The following NELL2 variants were observed in gnomAD, a reference collection of about 807,000 sequenced individuals.
NELL2 encodes neural EGFL like 2, also known as protein kinase C-binding protein NELL2.
In NELL2, 41 loss-of-function variants were observed where a neutral mutation model predicts 109.6. That is an observed-to-expected ratio of 0.37 (90% CI 0.29 to 0.49). The LOEUF is 0.49. NELL2 is among the 20% of genes least tolerant of loss of function. NELL2 has a pLI of 0.98. For missense variants in NELL2, 900 were observed against 1,008.3 expected (o/e 0.89, Z 1.45); for synonymous variants, 355 against 344.7 (o/e 1.03, Z -0.33).
intron 9 of NELL2, among the ~76,000 whole-genome samples, chr12:44,721,638 G>C (rs2136454993): frequency 6.6e-6 from 1 of 151,796 alleles, no homozygotes; most frequent in Non-Finnish European, 1.5e-5. Context: ...AAAATGCCCA[G>C]CACCATTTAG....
intron 15 of NELL2, among the ~76,000 whole-genome samples, chr12:44,587,263 C>T (rs1944546526): frequency 3.9e-5 from 2 of 51,100 alleles, no homozygotes; most frequent in East Asian, 1.4e-3. Context: ...CAAAGCAAGA[C>T]TCCGTCTCAA....
chr12:44,587,738 A>G (rs190230056), intron 15 of NELL2, among the ~76,000 whole-genome samples: 2 of 152,292 alleles, frequency 1.3e-5, no homozygotes, highest in South Asian at 4.1e-4. Flanking sequence ...AATCTCAGGG[A>G]AAAAAGTCTC....
chr12:44,884,489 A>G (rs908105001), intron 1 of NELL2, among the ~76,000 whole-genome samples: 1 of 152,004 alleles, frequency 6.6e-6, no homozygotes, highest in Non-Finnish European at 1.5e-5. Context: ...AATTAATAGC[A>G]ATTTTACACA....
intron 2 of NELL2, among the ~76,000 whole-genome samples, chr12:44,835,655 T>G (rs1944032743): frequency 6.6e-6 from 1 of 152,234 alleles, no homozygotes; most frequent in Admixed American, 6.5e-5. Flanking sequence ...GTATTGTATA[T>G]AATGGTTAGG....
At chr12:44,556,322 G>C (rs983440834) in intron 15 of NELL2, among the ~76,000 whole-genome samples, 17 of 152,180 alleles carry the variant, frequency 1.1e-4, no homozygotes, top group Non-Finnish European at 2.1e-4. Context: ...GGGCTGATTT[G>C]AAATCTTAAG....
chr12:44,807,419 A>T, intron 3 of NELL2, among the ~76,000 whole-genome samples: 1 of 151,836 alleles, frequency 6.6e-6, no homozygotes, highest in Non-Finnish European at 1.5e-5. Flanking sequence ...CATTAACGAC[A>T]TCTCTATGAA....
intron 9 of NELL2, among the ~76,000 whole-genome samples, chr12:44,761,956 C>T (rs1290016738): frequency 6.6e-6 from 1 of 152,084 alleles, no homozygotes; most frequent in Non-Finnish European, 1.5e-5. Flanking sequence ...GATGGGCACA[C>T]TAAAAGCTGA....
chr12:44,622,384 G>A (rs1042848458), intron 13 of NELL2, among the ~76,000 whole-genome samples: 4 of 152,036 alleles, frequency 2.6e-5, no homozygotes, highest in Non-Finnish European at 5.9e-5. Flanking sequence ...AGAAAGAAAA[G>A]GCTTTCACTA....
intron 9 of NELL2, among the ~76,000 whole-genome samples, chr12:44,719,997 C>T (rs1938684189): frequency 6.6e-6 from 1 of 151,350 alleles, no homozygotes; most frequent in African/African-American, 2.4e-5. Flanking sequence ...TTAAAAAGCT[C>T]CAATCAGCTA....
chr12:44,664,721 T>A (rs1354258994), intron 13 of NELL2, among the ~76,000 whole-genome samples: 1 of 152,136 alleles, frequency 6.6e-6, no homozygotes, highest in Non-Finnish European at 1.5e-5. Context: ...TTCTAAAATA[T>A]GTTATTTTTG....
At chr12:44,737,304 T>A (rs1233841865) in intron 9 of NELL2, among the ~76,000 whole-genome samples, 1 of 142,482 alleles carries the variant, frequency 7.0e-6, no homozygotes, top group Non-Finnish European at 1.6e-5. Flanking sequence ...ATTGCCATTG[T>A]ATTCATTGGG....
At chr12:44,732,549 C>A (rs1457571348) in intron 9 of NELL2, among the ~76,000 whole-genome samples, 1 of 151,832 alleles carries the variant, frequency 6.6e-6, no homozygotes, top group African/African-American at 2.4e-5. Context: ...GCACAAAAAT[C>A]AACTCAAAAT....
chr12:44,637,667 C>T (rs934725688), intron 13 of NELL2, among the ~76,000 whole-genome samples: 1 of 150,602 alleles, frequency 6.6e-6, no homozygotes, highest in African/African-American at 2.4e-5. Context: ...AAAAGCCTCA[C>T]GTCTCTGAGA....
At chr12:44,795,208 G>GT (rs1942576357) in intron 3 of NELL2, among the ~76,000 whole-genome samples, 1 of 152,154 alleles carries the variant, frequency 6.6e-6, no homozygotes, top group Admixed American at 6.5e-5. Flanking sequence ...AAAATGATCA[G>GT]ACCATCTCAG....
At chr12:44,720,396 C>G (rs949593796) in intron 9 of NELL2, among the ~76,000 whole-genome samples, 22 of 152,044 alleles carry the variant, frequency 1.4e-4, no homozygotes, top group Admixed American at 1.3e-4. Context: ...TTGGTCTCAC[C>G]TGTGGAGTTT....
Position 44,606,163 on chromosome 12 carries a change from T to C in NELL2, c.1663+1006A>G, listed in dbSNP as rs149839779. On this transcript the variant is annotated intron_variant, in intron 15 of 19. Transcript: ENST00000429094. The stretch of plus-strand genomic sequence containing the variant: ...GTACTTATAGAAAGAGATGATCTAG[T>C]GATGTAAGCCCTTTTGTGAGCATCC... Among the ~76,000 whole-genome samples the C allele has an allele frequency of 1.1e-3, 172 of 152,260 alleles. 1 individual carries two copies. Among genetic ancestry groups the C allele is most frequent in the African/African-American group, 3.8e-3 (157 of 41,564 alleles).
At chr12:44,582,541 T>G (rs1442805680) in intron 15 of NELL2, among the ~76,000 whole-genome samples, 1 of 152,024 alleles carries the variant, frequency 6.6e-6, no homozygotes, top group Non-Finnish European at 1.5e-5. Flanking sequence ...AGTTAAACAA[T>G]TAATGAAGTG....
intron 1 of NELL2, among the ~76,000 whole-genome samples, chr12:44,913,508 T>C (rs1472918983): frequency 6.6e-6 from 1 of 152,164 alleles, no homozygotes; most frequent in Admixed American, 6.5e-5. Context: ...AAATATAATA[T>C]AGGAATTTTC....
intron 2 of NELL2, among the ~76,000 whole-genome samples, chr12:44,856,718 G>A (rs1006519910): frequency 2.0e-5 from 3 of 152,162 alleles, no homozygotes; most frequent in Non-Finnish European, 4.4e-5. Flanking sequence ...GGTCAGAAAA[G>A]TAAAAGGGTG....
Sources: gnomAD v4.1 joint callset for allele counts (sites outside exome capture counted in the v4.1 genomes callset) on GRCh38, gnomAD v4.1.1 for gene constraint, MANE v1.5 for transcripts, NCBI Gene and HGNC (gene_info 2026-07-23, HGNC 2026-07-21) for gene names.